BRF1: variants seen among roughly 807,000 people sequenced by gnomAD.
BRF1 encodes BRF1 general transcription factor IIIB subunit, also known as transcription factor IIIB 90 kDa subunit.
BRF1 carries 59 observed loss-of-function variants against 81.7 expected under a neutral mutation model. The observed-to-expected ratio is 0.72, with a 90% CI of 0.59 to 0.90. The LOEUF (loss-of-function observed/expected upper bound fraction) is 0.90, where lower values mean the gene tolerates loss of function less well. Ranked by LOEUF, BRF1 falls within the 40% of genes least tolerant of loss-of-function variation. BRF1 has a pLI of 0.00. For synonymous variants in BRF1, 491 were observed against 395.6 expected (o/e 1.24, Z -2.86); for missense variants, 1,050 against 936.3 (o/e 1.12, Z -1.58).
intron 5 of BRF1, among the ~76,000 whole-genome samples, chr14:105,243,557 G>T (rs148160690): frequency 6.7e-6 from 1 of 150,152 alleles, no homozygotes; most frequent in African/African-American, 2.5e-5. Flanking sequence ...GGTTGAGGCT[G>T]CAGTGAGCTG....
intron 3 of BRF1, among the ~76,000 whole-genome samples, chr14:105,265,079 T>TTTTTG: frequency 6.7e-6 from 1 of 149,888 alleles, no homozygotes; most frequent in Non-Finnish European, 1.5e-5. Flanking sequence ...GTTTGTTTTT[T>TTTTTG]TAGAGACAGG....
chr14:105,252,501 G>A lies in BRF1; in HGVS notation c.544+6C>T. On this transcript the variant is annotated splice_donor_region_variant and intron_variant, in intron 5 of 17. Transcript: ENST00000547530. Reference sequence around the variant, plus strand: ...GGACACCCCAGCATCTCACCCAGATGCCTACCTATGGCCGGCGCATTGATG... The same window carrying A: ...GGACACCCCAGCATCTCACCCAGATACCTACCTATGGCCGGCGCATTGATG... The A allele has an allele frequency of 6.2e-7, 1 of 1,613,330 alleles. No homozygotes were observed. The highest frequency in any genetic ancestry group is 8.5e-7 in the Non-Finnish European group (1 of 1,179,794).
chr14:105,286,181 C>G lies in BRF1; in HGVS notation c.265+115G>C, dbSNP rs768901801. Reference sequence around the variant, plus strand: ...AGCCTGGGCTGGGCGTGCAGGGTGACGAGGAAGTGGCAGGCCATGAGGTCC... The same window carrying G: ...AGCCTGGGCTGGGCGTGCAGGGTGAGGAGGAAGTGGCAGGCCATGAGGTCC... On this transcript the variant is annotated intron_variant, in intron 2 of 17. Coordinates refer to ENST00000547530, the MANE Select transcript of BRF1 (RefSeq NM_001519.4). The G allele has an allele frequency of 1.1e-5, 13 of 1,183,492 alleles. No individual in the cohort carries two copies. The Admixed American group carries it at 2.6e-4, about 24-fold the overall frequency. The allele number at this position is 1,183,492 out of a possible 1,614,324, so 73.3% of individuals were successfully genotyped here. A position where few individuals can be genotyped will look rare whatever the true frequency, so the allele number is the denominator to read the frequency against.
intron 5 of BRF1, chr14:105,249,898 C>G (rs1472313927): frequency 6.2e-7 from 1 of 1,611,224 alleles, no homozygotes; most frequent in African/African-American, 1.3e-5. Context: ...GTGAGATAGA[C>G]CGGCAGACGC....
intron 6 of BRF1, among the ~76,000 whole-genome samples, chr14:105,229,489 C>G (rs2054367557): frequency 6.6e-6 from 1 of 152,204 alleles, no homozygotes; most frequent in African/African-American, 2.4e-5. Flanking sequence ...AGTGAGGGCC[C>G]TGCCGACCTG....
intron 11 of BRF1, 84 bp from the exon 12 acceptor site, chr14:105,220,214 C>G: frequency 1.3e-6 from 2 of 1,529,304 alleles, no homozygotes; most frequent in Non-Finnish European, 1.8e-6. Flanking sequence ...GCTCAGGACC[C>G]TGGGTCTGGG....
At chr14:105,248,150 T>C (rs777315901) in intron 5 of BRF1, 3 of 985,360 alleles carry the variant, frequency 3.0e-6, no homozygotes, top group East Asian at 2.3e-4. Context: ...CAGAGCAGAG[T>C]GGACCGCGCT....
intron 10 of BRF1, chr14:105,222,119 G>A (rs1202172894): frequency 3.6e-6 from 2 of 560,072 alleles, no homozygotes; most frequent in South Asian, 2.8e-5. Flanking sequence ...ACAGACCTAG[G>A]GGGAGAGTTA....
chr14:105,213,399 G>T (rs954701833), intron 15 of BRF1: 1 of 147,712 alleles, frequency 6.8e-6, no homozygotes, highest in Non-Finnish European at 1.5e-5. Context: ...CTGGCTCAAG[G>T]AGAGGTAGTT....
chr14:105,252,931 G>A (rs587757526), intron 4 of BRF1, among the ~76,000 whole-genome samples: 1 of 152,326 alleles, frequency 6.6e-6, no homozygotes, highest in South Asian at 2.1e-4. Context: ...GTCCACATGT[G>A]CTCCCACCAG....
intron 4 of BRF1, among the ~76,000 whole-genome samples, chr14:105,253,101 T>G (rs1779758921): frequency 6.6e-6 from 1 of 152,222 alleles, no homozygotes; most frequent in South Asian, 2.1e-4. Context: ...CTCGGCTATC[T>G]GCCATAGGGC....
rs1016519738 is a variant in BRF1 at position 105,272,749 on chromosome 14, G to A, written c.411C>T (p.Tyr137=). 6.2e-7 allele frequency: 1 copy of A among 1,613,556 alleles called. No individual in the cohort carries two copies. Among genetic ancestry groups the A allele is most frequent in the East Asian group, 2.2e-5 (1 of 44,858 alleles). The change falls in exon 3 of 18, where the codon TAC becomes TAT. Residue 137 remains tyrosine, a synonymous_variant. Coordinates refer to ENST00000547530, the MANE Select transcript of BRF1 (RefSeq NM_001519.4). ...GCGTGCCCTCCGTACGGCAGACCAG[G>A]TAGAGGCAGGCAGCAATCACGTGGG... is the stretch of plus-strand genomic sequence containing the variant. ...KMAHVIAACL[Y]LVCRTEGTPH...
intron 5 of BRF1, chr14:105,250,960 G>A (rs1595389466): frequency 2.5e-6 from 1 of 404,572 alleles, no homozygotes; most frequent in East Asian, 4.2e-5. Flanking sequence ...GCTTTGAGGG[G>A]TTGGATCTTC....
intron 7 of BRF1, 114 bp from the exon 8 acceptor site, chr14:105,226,874 C>A (rs938093433): frequency 4.6e-6 from 7 of 1,518,534 alleles, no homozygotes; most frequent in Admixed American, 1.9e-5. Context: ...TTTGGGAGCC[C>A]AAGGTGGGTG....
chr14:105,244,972 C>T (rs2054983291), intron 5 of BRF1, among the ~76,000 whole-genome samples: 1 of 151,650 alleles, frequency 6.6e-6, no homozygotes, highest in Admixed American at 6.6e-5. Context: ...TAAAAATGAG[C>T]AAAAACAAGT....
At chr14:105,243,333 C>G (rs2054849077) in intron 5 of BRF1, among the ~76,000 whole-genome samples, 1 of 150,764 alleles carries the variant, frequency 6.6e-6, no homozygotes, top group African/African-American at 2.4e-5. Flanking sequence ...ACCTATAGTC[C>G]CAGATACTTG....
intron 16 of BRF1, 107 bp from the exon 17 acceptor site, chr14:105,211,400 C>G (rs1595225992): frequency 9.2e-7 from 1 of 1,089,638 alleles, no homozygotes; most frequent in Non-Finnish European, 1.3e-6. Context: ...CCACTCCCGC[C>G]ACACCAGTGG....
At chr14:105,248,712 A>T (rs2140277894) in intron 5 of BRF1, 3 of 981,418 alleles carry the variant, frequency 3.1e-6, no homozygotes, top group Non-Finnish European at 3.6e-6. Context: ...GCCGCCGCCC[A>T]TGCTGCTGCC....
Position 105,211,203 on chromosome 14 carries a change from C to A in BRF1, c.1915G>T (p.Asp639Tyr). ...GGCTCCTCCTCGTCAGCCTCCTCGT[C>A]GGCGTGGTATGACACGGGCCCGCTC... ...VESGPVSYHA[D>Y]EEADEEEPDE... is the part of the protein sequence containing the mutation. Residue 639 changes from aspartate to tyrosine, a missense_variant, in exon 17 of 18, where the codon GAC becomes TAC. Asp to Tyr is a radical substitution (Grantham distance 160, BLOSUM62 -3). Coordinates refer to ENST00000547530, the MANE Select transcript of BRF1 (RefSeq NM_001519.4). 1.2e-6 allele frequency: 2 copies of A among 1,612,006 alleles called. No homozygotes were observed. The highest frequency in any genetic ancestry group is 1.7e-6 in the Non-Finnish European group (2 of 1,179,874).
Sources: allele counts gnomAD v4.1 joint callset (sites outside exome capture counted in the v4.1 genomes callset), GRCh38; gene constraint gnomAD v4.1.1; transcripts MANE v1.5; gene names NCBI Gene and HGNC (gene_info 2026-07-23, HGNC 2026-07-21).